Variants in DNAAF1 observed in about 807,000 individuals in gnomAD.
DNAAF1 encodes dynein axonemal assembly factor 1.
A neutral mutation model predicts 71.1 loss-of-function variants in DNAAF1; 65 were observed. The ratio of observed to expected loss-of-function variants is 0.91; its 90% CI spans 0.75 to 1.12. The LOEUF (loss-of-function observed/expected upper bound fraction) is 1.12, where lower values mean the gene tolerates loss of function less well. DNAAF1 is among the 50% of genes most tolerant of loss of function. The probability of loss-of-function intolerance (pLI) is 0.00; values close to 1 mark genes in which losing one functional copy is unlikely to be tolerated. For synonymous variants in DNAAF1, 414 were observed against 354.6 expected, an observed-to-expected ratio of 1.17 and a Z score of -1.88; for missense variants, 1,178 against 899.8, an observed-to-expected ratio of 1.31 and a Z score of -3.96.
chr16:84,148,904 G>T (rs570508009), intron 1 of DNAAF1, 103 bp from the exon 2 acceptor site: 7 of 1,318,758 alleles, frequency 5.3e-6, no homozygotes, highest in Admixed American at 3.5e-5. Flanking sequence ...AAGAATACTG[G>T]TGTTCTATAC....
At chr16:84,151,625 A>G (rs1455837091) in intron 3 of DNAAF1, among the ~76,000 whole-genome samples, 2 of 152,126 alleles carry the variant, frequency 1.3e-5, no homozygotes, top group Non-Finnish European at 2.9e-5. Context: ...ACTGCCCTGA[A>G]ACTTAGCAAC....
chr16:84,145,591 G>T (rs2086860903), intron 1 of DNAAF1, 27 bp downstream of exon 1: 2 of 1,541,722 alleles, frequency 1.3e-6, no homozygotes, highest in African/African-American at 1.4e-5. Context: ...AGGGAGGGCG[G>T]TGGGCGAGGG....
rs1316536541 is a variant in DNAAF1, at chr16:84,176,181, G to A, written c.1947G>A (p.Glu649=). 6.2e-7 allele frequency: 1 copy of A among 1,613,940 alleles called. No individual in the cohort carries two copies. The highest frequency in any genetic ancestry group is 8.5e-7 in the Non-Finnish European group (1 of 1,180,048). ...DTKSPRPLIQ[E]LSDEDPSGQL... is the part of the protein sequence containing the mutation. Reference sequence around the variant, plus strand: ...AGTCCCCAAGACCCCTGATCCAGGAGCTCAGCGACGAGGACCCCTCTGGCC... The same window carrying A: ...AGTCCCCAAGACCCCTGATCCAGGAACTCAGCGACGAGGACCCCTCTGGCC... The change falls in exon 11 of 12, where the codon GAG becomes GAA. Residue 649 remains glutamate, a synonymous_variant. Transcript: ENST00000378553.
chr16:84,147,717 TATTTATTTGA>T (rs2086977247), intron 1 of DNAAF1, among the ~76,000 whole-genome samples: 1 of 151,950 alleles, frequency 6.6e-6, no homozygotes, highest in Non-Finnish European at 1.5e-5. Context: ...CATTTTATCA[TATTTATTTGA>T]AGTCTTTTTT....
At chr16:84,176,412 G>A (rs534109421) in intron 11 of DNAAF1, 113 bp downstream of exon 11, 11 of 1,507,778 alleles carry the variant, frequency 7.3e-6, no homozygotes, top group Non-Finnish European at 1.0e-5. Flanking sequence ...TGCTGGAGGG[G>A]TCACCCAGGA....
chr16:84,174,589 T>C, intron 9 of DNAAF1, 80 bp from the exon 10 acceptor site: 2 of 1,612,944 alleles, frequency 1.2e-6, no homozygotes, highest in Non-Finnish European at 1.7e-6. Context: ...GTTGACTGCG[T>C]GTTTGCCTTT....
At chr16:84,153,345 T>C (rs756696453) in intron 3 of DNAAF1, among the ~76,000 whole-genome samples, 1 of 152,200 alleles carries the variant, frequency 6.6e-6, no homozygotes, top group Non-Finnish European at 1.5e-5. Flanking sequence ...GGCACACATT[T>C]ACCTATGCCA....
chr16:84,156,643 G>C (rs937067593), intron 5 of DNAAF1, among the ~76,000 whole-genome samples: 11 of 152,262 alleles, frequency 7.2e-5, no homozygotes, highest in South Asian at 6.2e-4. Context: ...ATTATTTAAT[G>C]ATGAGTCACA....
At chr16:84,157,261 A>T (rs896285256) in intron 5 of DNAAF1, among the ~76,000 whole-genome samples, 1 of 151,932 alleles carries the variant, frequency 6.6e-6, no homozygotes, top group African/African-American at 2.4e-5. Flanking sequence ...GGTGGCCCAC[A>T]CCTGTAATCC....
chr16:84,167,505 G>C (rs989248778), intron 7 of DNAAF1, among the ~76,000 whole-genome samples: 5 of 152,068 alleles, frequency 3.3e-5, no homozygotes, highest in Non-Finnish European at 1.5e-5. Flanking sequence ...CCACCCCCAA[G>C]AGCCGCCCCA....
chr16:84,154,917 G>GT lies in DNAAF1; in HGVS notation c.574+128dup, dbSNP rs562973413. 4.2e-3 allele frequency: 3,801 copies of GT among 896,984 alleles called. 38 individuals are homozygous for GT. Among genetic ancestry groups the GT allele is most frequent in the South Asian group, 0.031 (2,087 of 67,704 alleles). 55.6% of individuals were successfully genotyped at this position (896,984 alleles called of 1,614,324 possible). On this transcript the variant is annotated intron_variant, in intron 4 of 11. Transcript: ENST00000378553. ...TGGTGTTTTTTTTTGTCTTTTTTTT[G>GT]TTTTTTTTTGAGACAGAGTCTTGCT...
intron 2 of DNAAF1, 116 bp from the exon 3 acceptor site, chr16:84,150,135 G>C (rs1407570751): frequency 1.3e-5 from 10 of 744,698 alleles, no homozygotes; most frequent in Admixed American, 2.0e-5. Context: ...ATAGGTATCA[G>C]GGATATAGGA....
At position 84,172,284 on chromosome 16, in the gene DNAAF1, C is replaced by G; in HGVS notation, c.1553C>G (p.Thr518Ser). ...REEPTPQAVA[T>S]EGVFVTELDG... is the part of the protein sequence containing the mutation. ...GAACCGACTCCCCAGGCTGTGGCCA[C>G]TGAGGGTGTATTCGTTACAGAACTT... is the stretch of plus-strand genomic sequence containing the variant. Residue 518 changes from threonine (T) to serine (S), a missense_variant, in exon 9 of 12, where the codon ACT (threonine) becomes AGT (serine). Thr to Ser is a moderately conservative substitution (Grantham distance 58). Transcript: ENST00000378553. 1 of 1,614,146 alleles carries G rather than the reference C, an allele frequency of 6.2e-7. No individual in the cohort carries two copies. The highest frequency in any genetic ancestry group is 8.5e-7 in the Non-Finnish European group (1 of 1,180,024).
Position 84,169,856 on chromosome 16 carries a change from T to C in DNAAF1, c.1031-3T>C. 6.2e-7 allele frequency: 1 copy of C among 1,613,542 alleles called. No homozygotes were observed. The highest frequency in any genetic ancestry group is 8.5e-7 in the Non-Finnish European group (1 of 1,180,028). Reference sequence around the variant, plus strand: ...CATTCACCTTTGCATTTTCTGCCATTAGGGGAGATGACATCTTCAGATGAT... The same window carrying C: ...CATTCACCTTTGCATTTTCTGCCATCAGGGGAGATGACATCTTCAGATGAT... On this transcript the variant is annotated splice_region_variant and splice_polypyrimidine_tract_variant and intron_variant, in intron 7 of 11. Coordinates refer to ENST00000378553, the MANE Select transcript of DNAAF1 (RefSeq NM_178452.6).
At chr16:84,176,362 G>T (rs979641748) in intron 11 of DNAAF1, 63 bp downstream of exon 11, 19 of 1,608,696 alleles carry the variant, frequency 1.2e-5, no homozygotes, top group Non-Finnish European at 5.9e-6. Context: ...GGGATGGGTG[G>T]GGCAGGGCAG....
intron 6 of DNAAF1, among the ~76,000 whole-genome samples, chr16:84,164,312 C>T (rs1268657617): frequency 6.6e-6 from 1 of 152,184 alleles, no homozygotes; most frequent in African/African-American, 2.4e-5. Context: ...CTTGGTGTTG[C>T]ACACTGTATG....
chr16:84,154,014 G>T (rs990963043), intron 3 of DNAAF1, among the ~76,000 whole-genome samples: 1 of 152,120 alleles, frequency 6.6e-6, no homozygotes. Context: ...ACCCCCGAAT[G>T]AGTCACCGTG....
At chr16:84,164,962 C>A (rs1304471418) in intron 6 of DNAAF1, among the ~76,000 whole-genome samples, 1 of 152,118 alleles carries the variant, frequency 6.6e-6, no homozygotes, top group South Asian at 2.1e-4. Flanking sequence ...CATCTTGTAG[C>A]CATATCATGT....
chr16:84,163,343 C>T (rs552744609), intron 6 of DNAAF1, among the ~76,000 whole-genome samples: 7 of 151,430 alleles, frequency 4.6e-5, no homozygotes, highest in East Asian at 1.9e-4. Flanking sequence ...ACCAACACTT[C>T]GGGTTGCCTG....
Sources: allele counts gnomAD v4.1 joint callset (sites outside exome capture counted in the v4.1 genomes callset), GRCh38; gene constraint gnomAD v4.1.1; transcripts MANE v1.5; gene names NCBI Gene and HGNC (gene_info 2026-07-23, HGNC 2026-07-21).